KIAA1217: variants seen among roughly 807,000 people sequenced by gnomAD.
The protein encoded by KIAA1217 is sickle tail protein homolog.
Under a neutral mutation model 163.9 loss-of-function variants are expected in KIAA1217, and 88 were observed. The observed-to-expected ratio is 0.54, with a 90% CI of 0.45 to 0.64. The LOEUF (loss-of-function observed/expected upper bound fraction) is 0.64. Among genes scored for constraint, KIAA1217 ranks in the 30% least tolerant of loss-of-function variants. KIAA1217 has a pLI of 0.00. For synonymous variants in KIAA1217, 903 were observed against 923.1 expected (o/e 0.98, Z 0.39); for missense variants, 2,372 against 2,475.0 (o/e 0.96, Z 0.88).
chr10:24,213,403 T>G (rs2068409863), intron 1 of KIAA1217, among the ~76,000 whole-genome samples: 1 of 152,104 alleles, frequency 6.6e-6, no homozygotes, highest in Non-Finnish European at 1.5e-5. Flanking sequence ...CTGCTTGCCT[T>G]CCCCACTGTC....
At chr10:23,772,663 T>G (rs972487319) in intron 1 of KIAA1217, among the ~76,000 whole-genome samples, 3 of 152,088 alleles carry the variant, frequency 2.0e-5, no homozygotes, top group Non-Finnish European at 4.4e-5. Flanking sequence ...CATTTAGGAA[T>G]GAACACTCCG....
chr10:23,945,451 G>A (rs557169664), intron 1 of KIAA1217, among the ~76,000 whole-genome samples: 2 of 152,274 alleles, frequency 1.3e-5, no homozygotes, highest in African/African-American at 4.8e-5. Context: ...CAGAGCAATG[G>A]CTGCTTATGG....
chr10:23,791,622 A>C (rs1294232562), intron 1 of KIAA1217, among the ~76,000 whole-genome samples: 1 of 152,242 alleles, frequency 6.6e-6, no homozygotes, highest in Non-Finnish European at 1.5e-5. Flanking sequence ...CTTTTGTGTA[A>C]AAGAAAATGA....
chr10:23,820,638 G>C (rs1837574186), intron 1 of KIAA1217, among the ~76,000 whole-genome samples: 1 of 152,192 alleles, frequency 6.6e-6, no homozygotes, highest in Non-Finnish European at 1.5e-5. Context: ...TAAAGGGCGT[G>C]AATGTTATTT....
chr10:24,386,177 C>T (rs548051998), intron 3 of KIAA1217, among the ~76,000 whole-genome samples: 1 of 152,282 alleles, frequency 6.6e-6, no homozygotes, highest in African/African-American at 2.4e-5. Flanking sequence ...AGAGGAGTTC[C>T]CATTTCTGCA....
intron 1 of KIAA1217, among the ~76,000 whole-genome samples, chr10:23,696,490 C>T (rs759659858): frequency 6.6e-6 from 1 of 152,186 alleles, no homozygotes; most frequent in Non-Finnish European, 1.5e-5. Flanking sequence ...GAGTTGAAGA[C>T]AAAAGTCATT....
At chr10:23,710,536 A>G (rs1216249441) in intron 1 of KIAA1217, among the ~76,000 whole-genome samples, 1 of 152,258 alleles carries the variant, frequency 6.6e-6, no homozygotes, top group Non-Finnish European at 1.5e-5. Context: ...TGAGAAACAG[A>G]GTAGCCTTAT....
intron 1 of KIAA1217, among the ~76,000 whole-genome samples, chr10:23,851,584 C>T (rs1020120063): frequency 3.3e-5 from 5 of 152,152 alleles, no homozygotes; most frequent in African/African-American, 7.2e-5. Flanking sequence ...TGAGGAATCG[C>T]CACACTGACT....
At chr10:24,175,316 C>T (rs1396321939) in intron 2 of KIAA1217, among the ~76,000 whole-genome samples, 4 of 152,178 alleles carry the variant, frequency 2.6e-5, no homozygotes. Context: ...TGAGAACATA[C>T]AATGTTCGGT....
chr10:24,398,710 C>T (rs1220023286), intron 3 of KIAA1217, among the ~76,000 whole-genome samples: 1 of 152,092 alleles, frequency 6.6e-6, no homozygotes, highest in African/African-American at 2.4e-5. Flanking sequence ...TGCACAGTGA[C>T]CTGCTAACAC....
intron 2 of KIAA1217, among the ~76,000 whole-genome samples, chr10:24,228,333 T>C (rs538538460): frequency 3.5e-4 from 54 of 152,162 alleles, no homozygotes; most frequent in African/African-American, 1.3e-3. Context: ...GTCTTAAAGC[T>C]GATGTATTAA....
At chr10:24,009,559 G>C (rs909975922) in intron 2 of KIAA1217, among the ~76,000 whole-genome samples, 21 of 152,158 alleles carry the variant, frequency 1.4e-4, no homozygotes, top group African/African-American at 4.6e-4. Context: ...GATGTCTGCT[G>C]CATGTCACAT....
intron 1 of KIAA1217, among the ~76,000 whole-genome samples, chr10:23,890,596 A>G (rs930721741): frequency 6.6e-6 from 1 of 151,936 alleles, no homozygotes; most frequent in African/African-American, 2.4e-5. Flanking sequence ...TAACTTTACT[A>G]TGATAAGCTC....
At chr10:23,756,143 A>G (rs1032214644) in intron 1 of KIAA1217, among the ~76,000 whole-genome samples, 2 of 145,314 alleles carry the variant, frequency 1.4e-5, no homozygotes, top group Non-Finnish European at 3.0e-5. Context: ...TTTTTTTTTT[A>G]GTAGAGCTGA....
chr10:23,719,583 AAAAT>A lies in KIAA1217; in HGVS notation c.-321+24373_-321+24376del, dbSNP rs562845414. ...GTGACAAAGCGAGACCCCCTTCTCA[AAAAT>A]AAATAAATAAATAAATAAATAAAAA... On this transcript the variant is annotated intron_variant, in intron 1 of 18. Transcript: ENST00000376462. Among the ~76,000 whole-genome samples the A allele has an allele frequency of 3.2e-3, 472 of 148,490 alleles. 3 individuals carry two copies. Among genetic ancestry groups the A allele is most frequent in the Non-Finnish European group, 5.0e-3 (336 of 67,124 alleles).
At chr10:24,148,848 T>A (rs117278955) in intron 2 of KIAA1217, among the ~76,000 whole-genome samples, 1 of 152,244 alleles carries the variant, frequency 6.6e-6, no homozygotes, top group African/African-American at 2.4e-5. Flanking sequence ...GATAGATATA[T>A]GTTATTTTTT....
In KIAA1217 at chr10:23,763,168, A is replaced by G. The variant is rs144499777; in HGVS notation, c.-321+67934A>G. On this transcript the variant is annotated intron_variant, in intron 1 of 18. Transcript: ENST00000376462. Reference sequence around the variant, plus strand: ...CTCATGGATAGGAAGAATCAATATCATGAAAATGGCCATACTGCCCAAAGT... The same window carrying G: ...CTCATGGATAGGAAGAATCAATATCGTGAAAATGGCCATACTGCCCAAAGT... Among the ~76,000 whole-genome samples, 280 of 152,286 alleles carry G rather than the reference A, an allele frequency of 1.8e-3. 13 individuals carry two copies. In the East Asian group the frequency reaches 0.028, roughly 15 times the overall value.
chr10:24,007,185 C>T (rs1483167417), intron 1 of KIAA1217: 1 of 146,520 alleles, frequency 6.8e-6, no homozygotes, highest in Non-Finnish European at 1.5e-5. Flanking sequence ...CTCAGCAGTT[C>T]TGCAGTGGGA....
chr10:24,062,820 T>C (rs2060782825), intron 2 of KIAA1217, among the ~76,000 whole-genome samples: 1 of 152,234 alleles, frequency 6.6e-6, no homozygotes, highest in Non-Finnish European at 1.5e-5. Flanking sequence ...GACTTTTTAA[T>C]GATCACCATT....
Sources: allele counts gnomAD v4.1 joint callset (sites outside exome capture counted in the v4.1 genomes callset), GRCh38; gene constraint gnomAD v4.1.1; transcripts MANE v1.5; gene names NCBI Gene and HGNC (gene_info 2026-07-23, HGNC 2026-07-21).